The following GRM7 variants were observed in gnomAD, a reference collection of about 807,000 sequenced individuals.
The protein encoded by GRM7 is glutamate metabotropic receptor 7.
GRM7 carries 35 observed loss-of-function variants against 84.5 expected under a neutral mutation model. That is an observed-to-expected ratio of 0.41 (90% confidence interval 0.32 to 0.55). The LOEUF is 0.55. Ranked by LOEUF, GRM7 falls within the 20% of genes least tolerant of loss-of-function variation. The probability of loss-of-function intolerance (pLI) is 0.19; values close to 1 mark genes in which losing one functional copy is unlikely to be tolerated. For synonymous variants in GRM7, 487 were observed against 455.1 expected, an observed-to-expected ratio of 1.07 and a Z score of -0.89; for missense variants, 1,003 against 1,194.6, an observed-to-expected ratio of 0.84 and a Z score of 2.36.
chr3:7,553,703 T>G (rs531585908), intron 7 of GRM7, among the ~76,000 whole-genome samples: 1 of 152,272 alleles, frequency 6.6e-6, no homozygotes, highest in African/African-American at 2.4e-5. Flanking sequence ...CTCATGAGAA[T>G]GTACTTACTC....
chr3:7,425,342 A>G (rs1398448683), intron 5 of GRM7, among the ~76,000 whole-genome samples: 3 of 152,232 alleles, frequency 2.0e-5, no homozygotes, highest in Non-Finnish European at 4.4e-5. Context: ...AGCAGTCTGT[A>G]CAAAGAGAAA....
chr3:7,575,215 A>G (rs3804916), intron 7 of GRM7, among the ~76,000 whole-genome samples: 2,868 of 152,308 alleles, frequency 0.019, 90 homozygotes, highest in East Asian at 0.1. Context: ...GCTACCTACT[A>G]AGACCAGGTA....
At chr3:6,959,569 AGAG>A (rs761485274) in intron 1 of GRM7, among the ~76,000 whole-genome samples, 6 of 152,168 alleles carry the variant, frequency 3.9e-5, no homozygotes, top group Admixed American at 6.5e-5. Context: ...AAAAGTGGCA[AGAG>A]TTTAATGCTA....
At position 7,386,434 on chromosome 3, in the gene GRM7, C is replaced by T. The variant is rs376942816; in HGVS notation, c.1034-28589C>T. Among the ~76,000 whole-genome samples, 32 of 152,230 alleles carry T rather than the reference C, an allele frequency of 2.1e-4. No homozygotes were observed. The South Asian group carries it at 4.1e-3, about 20-fold the overall frequency. ...ACCCTTGTCCCATTTCCATCCTCCC[C>T]GCTTTTGGAATCTCCAGTGTCTATT... On this transcript the variant is annotated intron_variant, in intron 4 of 9. Transcript: ENST00000357716.
chr3:7,275,660 A>T (rs1699025036), intron 2 of GRM7, among the ~76,000 whole-genome samples: 1 of 152,110 alleles, frequency 6.6e-6, no homozygotes, highest in African/African-American at 2.4e-5. Context: ...AACCCCGGCA[A>T]GTTAGGTTCT....
At chr3:7,395,459 A>T (rs138232581) in intron 4 of GRM7, among the ~76,000 whole-genome samples, 1 of 152,116 alleles carries the variant, frequency 6.6e-6, no homozygotes, top group Non-Finnish European at 1.5e-5. Context: ...ACTAGAGAGG[A>T]GGAATAATTT....
intron 1 of GRM7, among the ~76,000 whole-genome samples, chr3:7,059,549 AG>A (rs1393008059): frequency 5.3e-5 from 8 of 151,864 alleles, no homozygotes; most frequent in African/African-American, 1.9e-4. Context: ...AGATCTTGAA[AG>A]GTAACCTAAA....
intron 1 of GRM7, among the ~76,000 whole-genome samples, chr3:7,092,419 C>G (rs749697415): frequency 6.6e-6 from 1 of 152,086 alleles, no homozygotes; most frequent in East Asian, 1.9e-4. Flanking sequence ...TAATGAGTCT[C>G]GGGCAATTGA....
rs142183968 is a variant in GRM7 at position 6,979,983 on chromosome 3, C to G, written c.519+118076C>G. Reference sequence around the variant, plus strand: ...GACATATGAATAAAACATATAATTGCTAATTCTTGTTGAAAAATCCCCAAA... The same window carrying G: ...GACATATGAATAAAACATATAATTGGTAATTCTTGTTGAAAAATCCCCAAA... On this transcript the variant is annotated intron_variant, in intron 1 of 9. Coordinates refer to ENST00000357716, the MANE Select transcript of GRM7 (RefSeq NM_000844.4). 7.4e-3 allele frequency among the ~76,000 whole-genome samples: 1,133 copies of G among 152,168 alleles called. 21 individuals carry two copies. Among genetic ancestry groups the G allele is most frequent in the African/African-American group, 0.025 (1,056 of 41,532 alleles).
At chr3:7,389,290 CTG>C (rs937545148) in intron 4 of GRM7, among the ~76,000 whole-genome samples, 58 of 152,102 alleles carry the variant, frequency 3.8e-4, no homozygotes, top group African/African-American at 1.3e-3. Flanking sequence ...TGCTTTATGA[CTG>C]AGAAAATGGT....
intron 1 of GRM7, among the ~76,000 whole-genome samples, chr3:6,867,360 C>G (rs1396775638): frequency 2.0e-5 from 3 of 152,116 alleles, no homozygotes; most frequent in Non-Finnish European, 4.4e-5. Context: ...CCAACATTTA[C>G]TGTAATTGAT....
intron 9 of GRM7, among the ~76,000 whole-genome samples, chr3:7,732,368 A>C (rs1214673752): frequency 6.6e-6 from 1 of 152,188 alleles, no homozygotes; most frequent in Admixed American, 6.5e-5. Flanking sequence ...AGAAACACAC[A>C]TGAGAAATTA....
At chr3:7,660,876 T>C (rs575855033) in intron 8 of GRM7, among the ~76,000 whole-genome samples, 1 of 152,226 alleles carries the variant, frequency 6.6e-6, no homozygotes, top group Admixed American at 6.5e-5. Context: ...TGAATAAGAA[T>C]AGCTTTTTCA....
At chr3:6,993,482 A>G (rs973512398) in intron 1 of GRM7, among the ~76,000 whole-genome samples, 4 of 152,224 alleles carry the variant, frequency 2.6e-5, no homozygotes, top group East Asian at 1.9e-4. Context: ...GCTCAAATAC[A>G]TGGTGTGCGT....
At chr3:6,987,686 C>CCAG (rs1162543481) in intron 1 of GRM7, among the ~76,000 whole-genome samples, 1 of 152,122 alleles carries the variant, frequency 6.6e-6, no homozygotes, top group African/African-American at 2.4e-5. Context: ...CACATGGAAG[C>CCAG]CAGCAGAAAG....
intron 1 of GRM7, among the ~76,000 whole-genome samples, chr3:7,002,436 T>A (rs536374950): frequency 6.6e-6 from 1 of 152,174 alleles, no homozygotes; most frequent in Non-Finnish European, 1.5e-5. Context: ...TGCTTATTAC[T>A]GACAAAGAAT....
chr3:7,392,720 A>T (rs1320295452), intron 4 of GRM7, among the ~76,000 whole-genome samples: 1 of 152,118 alleles, frequency 6.6e-6, no homozygotes, highest in East Asian at 1.9e-4. Context: ...TGTCAGTCTG[A>T]CTCATGCCAA....
At chr3:7,438,466 A>C (rs1697149423) in intron 5 of GRM7, among the ~76,000 whole-genome samples, 1 of 152,030 alleles carries the variant, frequency 6.6e-6, no homozygotes, top group Non-Finnish European at 1.5e-5. Flanking sequence ...GAATTACTTA[A>C]ACAGAATCTC....
intron 4 of GRM7, among the ~76,000 whole-genome samples, chr3:7,390,220 C>G (rs1694937673): frequency 6.6e-6 from 1 of 152,074 alleles, no homozygotes; most frequent in South Asian, 2.1e-4. Flanking sequence ...GCTGAGAAGT[C>G]CACCGTTATT....
Sources: allele counts gnomAD v4.1 joint callset (sites outside exome capture counted in the v4.1 genomes callset), GRCh38; gene constraint gnomAD v4.1.1; transcripts MANE v1.5; gene names NCBI Gene and HGNC (gene_info 2026-07-23, HGNC 2026-07-21).